FAM8A1: variants seen among roughly 807,000 people sequenced by gnomAD.
FAM8A1 encodes protein FAM8A1.
A neutral mutation model predicts 38.3 loss-of-function variants in FAM8A1; 18 were observed. The ratio of observed to expected loss-of-function variants is 0.47; its 90% confidence interval spans 0.33 to 0.70. The LOEUF (loss-of-function observed/expected upper bound fraction) is 0.70, where lower values mean the gene tolerates loss of function less well. FAM8A1 is among the 30% of genes least tolerant of loss of function. FAM8A1 has a pLI of 0.03. For synonymous variants in FAM8A1, 246 were observed against 234.4 expected, an observed-to-expected ratio of 1.05 and a Z score of -0.45; for missense variants, 559 against 559.6, an observed-to-expected ratio of 1.00 and a Z score of 0.01.
Position 17,604,892 on chromosome 6 carries a change from AT to A in FAM8A1, c.834-12del. 1 of 1,559,206 alleles carries A rather than the reference AT, an allele frequency of 6.4e-7. No homozygotes were observed. The highest frequency in any genetic ancestry group is 1.2e-5 in the South Asian group (1 of 84,592). ...AACTAATTATTTATAACCCCAAACTATTATTTTGTGTAGGGATATCTCTAAG... is the reference window on the plus strand; with the variant it reads ...AACTAATTATTTATAACCCCAAACTATATTTTGTGTAGGGATATCTCTAAG... On this transcript the variant is annotated splice_polypyrimidine_tract_variant and intron_variant, in intron 2 of 4. Transcript: ENST00000259963.
rs1357281996 is a variant in FAM8A1 at position 17,608,465 on chromosome 6, C to A, written c.*126C>A. On this transcript the variant is annotated 3_prime_UTR_variant, in exon 5 of 5. Coordinates refer to ENST00000259963, the MANE Select transcript of FAM8A1 (RefSeq NM_016255.3). ...AGTCACTCCAGTGTGATGCAGGTGACTACTCTGAAAGTATTGATTATACTT... is the reference window on the plus strand; with the variant it reads ...AGTCACTCCAGTGTGATGCAGGTGAATACTCTGAAAGTATTGATTATACTT... The A allele has an allele frequency of 6.7e-6, 7 of 1,052,292 alleles. No homozygotes were observed. The Admixed American group carries it at 1.6e-4, about 24-fold the overall frequency. 65.2% of individuals were successfully genotyped at this position (1,052,292 alleles called of 1,614,324 possible). A position where few individuals can be genotyped will look rare whatever the true frequency, so the allele number is the denominator to read the frequency against.
rs1764121370 is a variant in FAM8A1, at chr6:17,610,307, C to G, written c.*1968C>G. 1 of 152,022 alleles carries G rather than the reference C, an allele frequency of 6.6e-6. No individual in the cohort carries two copies. Among genetic ancestry groups the G allele is most frequent in the Non-Finnish European group, 1.5e-5 (1 of 67,984 alleles). 9.4% of individuals were successfully genotyped at this position (152,022 alleles called of 1,614,324 possible). On this transcript the variant is annotated 3_prime_UTR_variant, in exon 5 of 5. Coordinates refer to ENST00000259963, the MANE Select transcript of FAM8A1 (RefSeq NM_016255.3). ...TTTCATTTATACTATAAAACAAAAGCAAACTAGTCCAGTTTAATTTTTTGT... is the reference window on the plus strand; with the variant it reads ...TTTCATTTATACTATAAAACAAAAGGAAACTAGTCCAGTTTAATTTTTTGT...
At position 17,608,946 on chromosome 6, in the gene FAM8A1, G is replaced by GTAAC. The variant is rs1428230771; in HGVS notation, c.*609_*612dup. The stretch of plus-strand genomic sequence containing the variant: ...TACTGCAGTTCCCTCTCGTAATGAT[G>GTAAC]TAACTTTACAACTATTCTTAATGCT... On this transcript the variant is annotated 3_prime_UTR_variant, in exon 5 of 5. Coordinates refer to ENST00000259963, the MANE Select transcript of FAM8A1 (RefSeq NM_016255.3). The GTAAC allele has an allele frequency of 6.6e-6, 1 of 152,102 alleles. No individual in the cohort carries two copies. Among genetic ancestry groups the GTAAC allele is most frequent in the Non-Finnish European group, 1.5e-5 (1 of 68,014 alleles). 9.4% of individuals were successfully genotyped at this position (152,102 alleles called of 1,614,324 possible).
chr6:17,601,172 C>T, intron 1 of FAM8A1, 51 bp downstream of exon 1: 2 of 1,541,504 alleles, frequency 1.3e-6, no homozygotes, highest in East Asian at 4.8e-5. Context: ...TTTCGGGGGC[C>T]TGTGGGGTAG....
intron 4 of FAM8A1, among the ~76,000 whole-genome samples, chr6:17,607,166 G>GT (rs1764063244): frequency 6.6e-6 from 1 of 150,846 alleles, no homozygotes; most frequent in Non-Finnish European, 1.5e-5. Flanking sequence ...GGCTGAGGCA[G>GT]GAGAATGGCA....
chr6:17,606,026 C>A lies in FAM8A1; in HGVS notation c.1097+13C>A. 6.7e-7 allele frequency: 1 copy of A among 1,493,648 alleles called. No homozygotes were observed. Among genetic ancestry groups the A allele is most frequent in the Non-Finnish European group, 9.0e-7 (1 of 1,108,354 alleles). The allele number at this position is 1,493,648 out of a possible 1,614,324, so 92.5% of individuals were successfully genotyped here. ...TTAGCATTACAACGTAAGTCCTTTTCTTAGCTTAATCTACTACATACTTAA... is the reference window on the plus strand; with the variant it reads ...TTAGCATTACAACGTAAGTCCTTTTATTAGCTTAATCTACTACATACTTAA... On this transcript the variant is annotated intron_variant, in intron 4 of 4. Transcript: ENST00000259963.
Position 17,605,056 on chromosome 6 carries a change from A to C in FAM8A1, c.957+27A>C, listed in dbSNP as rs1217670816. ...TAAGCTACTGACTTCAGCAAGAATTAATATTTAACAATCTAATTTTATGTT... is the reference window on the plus strand; with the variant it reads ...TAAGCTACTGACTTCAGCAAGAATTCATATTTAACAATCTAATTTTATGTT... On this transcript the variant is annotated intron_variant, in intron 3 of 4. Coordinates refer to ENST00000259963, the MANE Select transcript of FAM8A1 (RefSeq NM_016255.3). The C allele has an allele frequency of 2.5e-6, 4 of 1,572,768 alleles. No homozygotes were observed. In the Admixed American group the frequency reaches 7.2e-5, roughly 28 times the overall value.
Position 17,600,401 on chromosome 6 carries a change from G to A in FAM8A1, c.-9G>A. The A allele has an allele frequency of 2.8e-6, 4 of 1,410,050 alleles. No individual in the cohort carries two copies. The highest frequency in any genetic ancestry group is 3.7e-6 in the Non-Finnish European group (4 of 1,081,592). 87.3% of individuals were successfully genotyped at this position (1,410,050 alleles called of 1,614,324 possible). On this transcript the variant is annotated 5_prime_UTR_variant, in exon 1 of 5. Coordinates refer to ENST00000259963, the MANE Select transcript of FAM8A1 (RefSeq NM_016255.3). Reference sequence around the variant, plus strand: ...GACAGGTATCCCAGAGGGTGCTGCTGAGGCGACGATGGCCGAGGGGCCCGA... The same window carrying A: ...GACAGGTATCCCAGAGGGTGCTGCTAAGGCGACGATGGCCGAGGGGCCCGA...
In FAM8A1 at chr6:17,600,907, C is replaced by T; in HGVS notation, c.498C>T (p.Pro166=). 1 of 1,589,212 alleles carries T rather than the reference C, an allele frequency of 6.3e-7. No individual in the cohort carries two copies. Among genetic ancestry groups the T allele is most frequent in the Non-Finnish European group, 8.5e-7 (1 of 1,171,288 alleles). Reference sequence around the variant, plus strand: ...TCCCCCAGGCCGCGGCGCCGCCGCCCCCGCAGCTGGGCTATTACAACCCCT... The same window carrying T: ...TCCCCCAGGCCGCGGCGCCGCCGCCTCCGCAGCTGGGCTATTACAACCCCT... ...AAVPQAAAPP[P]PQLGYYNPFY... Residue 166 remains proline, a synonymous_variant, in exon 1 of 5, where the codon CCC becomes CCT. Transcript: ENST00000259963.
Position 17,610,946 on chromosome 6 carries a change from T to G in FAM8A1, c.*2607T>G, listed in dbSNP as rs1415074732. 6.6e-6 allele frequency: 1 copy of G among 152,142 alleles called. No individual in the cohort carries two copies. Among genetic ancestry groups the G allele is most frequent in the Non-Finnish European group, 1.5e-5 (1 of 67,994 alleles). The allele number at this position is 152,142 out of a possible 1,614,324, so 9.4% of individuals were successfully genotyped here. A position where few individuals can be genotyped will look rare whatever the true frequency, so the allele number is the denominator to read the frequency against. On this transcript the variant is annotated 3_prime_UTR_variant, in exon 5 of 5. Transcript: ENST00000259963. ...ATCTGGCATACTGAATAAATAACAT[T>G]AACTTGGGAGCCAAGAGCTGGGTAA...
Position 17,608,230 on chromosome 6 carries a change from T to C in FAM8A1, c.1133T>C (p.Ile378Thr). The C allele has an allele frequency of 6.2e-7, 1 of 1,613,916 alleles. No individual in the cohort carries two copies. Among genetic ancestry groups the C allele is most frequent in the Non-Finnish European group, 8.5e-7 (1 of 1,179,818 alleles). The change falls in exon 5 of 5, where the codon ATT becomes ACT. Residue 378 changes from isoleucine to threonine, a missense_variant. Ile to Thr is a moderately conservative substitution (Grantham distance 89, BLOSUM62 -1). Around this residue, in one of 2 missense-constraint regions of FAM8A1, gnomAD observed 166 missense variants for 220.8 expected, o/e 0.75. Coordinates refer to ENST00000259963, the MANE Select transcript of FAM8A1 (RefSeq NM_016255.3). ...CGAGCTTTGATCAAGAATTTTTCAATTGCTTCTTTTTTCCCTGCTTTCATC... is the reference window on the plus strand; with the variant it reads ...CGAGCTTTGATCAAGAATTTTTCAACTGCTTCTTTTTTCCCTGCTTTCATC... ...TIRALIKNFS[I>T]ASFFPAFITL...
rs1437170165 is a variant in FAM8A1 at position 17,602,482 on chromosome 6, A to T, written c.713-108A>T. The T allele has an allele frequency of 1.1e-5, 9 of 800,320 alleles. No individual in the cohort carries two copies. Among genetic ancestry groups the T allele is most frequent in the Admixed American group, 3.9e-5 (1 of 25,900 alleles). The allele number at this position is 800,320 out of a possible 1,614,324, so 49.6% of individuals were successfully genotyped here. A position where few individuals can be genotyped will look rare whatever the true frequency, so the allele number is the denominator to read the frequency against. ...TGCTGCACGGTTATAAATATTTTTTATTAAGTTGTACCTTGACTTTCTTTA... is the reference window on the plus strand; with the variant it reads ...TGCTGCACGGTTATAAATATTTTTTTTTAAGTTGTACCTTGACTTTCTTTA... On this transcript the variant is annotated intron_variant, in intron 1 of 4. Transcript: ENST00000259963.
In FAM8A1 at chr6:17,605,963, T is replaced by TG; in HGVS notation, c.1048dup (p.Ala350GlyfsTer14). 3 of 1,586,426 alleles carry TG rather than the reference T, an allele frequency of 1.9e-6. No individual in the cohort carries two copies. The highest frequency in any genetic ancestry group is 2.6e-6 in the Non-Finnish European group (3 of 1,160,772). ...TGACATGTGATACATCAGTGCTTAT[T>TG]GCACCAAGTCGGGTTTTAGTGATTC... On this transcript the variant is annotated frameshift_variant, in exon 4 of 5. Coordinates refer to ENST00000259963, the MANE Select transcript of FAM8A1 (RefSeq NM_016255.3). LOFTEE classifies it high-confidence loss of function.
At position 17,611,679 on chromosome 6, in the gene FAM8A1, T is replaced by C. The variant is rs1056980344; in HGVS notation, c.*3340T>C. ...TTTTTAATAATTTGTATGCCACCAA[T>C]TTGTATTATTTGTCTCAATAAATAC... On this transcript the variant is annotated 3_prime_UTR_variant, in exon 5 of 5. Coordinates refer to ENST00000259963, the MANE Select transcript of FAM8A1 (RefSeq NM_016255.3). 6.6e-6 allele frequency: 1 copy of C among 152,204 alleles called. No homozygotes were observed. The highest frequency in any genetic ancestry group is 2.4e-5 in the African/African-American group (1 of 41,444). The allele number at this position is 152,204 out of a possible 1,614,324, so 9.4% of individuals were successfully genotyped here. A position where few individuals can be genotyped will look rare whatever the true frequency, so the allele number is the denominator to read the frequency against.
In FAM8A1 at chr6:17,600,592, C is replaced by T; in HGVS notation, c.183C>T (p.Ala61=). The T allele has an allele frequency of 1.3e-6, 2 of 1,490,154 alleles. No individual in the cohort carries two copies. Among genetic ancestry groups the T allele is most frequent in the Non-Finnish European group, 1.8e-6 (2 of 1,125,148 alleles). 92.3% of individuals were successfully genotyped at this position (1,490,154 alleles called of 1,614,324 possible). ...GRPTAPGLAA[A]AAADKLEPPR... is the part of the protein sequence containing the mutation. ...CCACAGCCCCGGGCCTCGCGGCTGCCGCCGCAGCCGACAAATTGGAGCCGC... is the reference window on the plus strand; with the variant it reads ...CCACAGCCCCGGGCCTCGCGGCTGCTGCCGCAGCCGACAAATTGGAGCCGC... Residue 61 remains alanine (A), a synonymous_variant, in exon 1 of 5, where the codon GCC becomes GCT. Transcript: ENST00000259963.
rs1408175834 is a variant in FAM8A1, at chr6:17,602,714, A to G, written c.833+4A>G. ...TTATGCACCTCAGTGGGATAAAGTA[A>G]GTTGAGGACATTTGCAGAAGGGTTT... On this transcript the variant is annotated splice_donor_region_variant and intron_variant, in intron 2 of 4. Coordinates refer to ENST00000259963, the MANE Select transcript of FAM8A1 (RefSeq NM_016255.3). 2.6e-6 allele frequency: 4 copies of G among 1,532,744 alleles called. No individual in the cohort carries two copies. In the Admixed American group the frequency reaches 8.1e-5, roughly 31 times the overall value. The allele number at this position is 1,532,744 out of a possible 1,614,324, so 94.9% of individuals were successfully genotyped here.
At position 17,600,344 on chromosome 6, in the gene FAM8A1, G is replaced by C. The variant is rs1413671330; in HGVS notation, c.-66G>C. On this transcript the variant is annotated 5_prime_UTR_variant, in exon 1 of 5. Transcript: ENST00000259963. ...CTGCGGTGGTGACGGGGCTGTTGGG[G>C]AGGGGCCATTGGGGGAGGGAAACGG... The C allele has an allele frequency of 2.3e-6, 3 of 1,327,238 alleles. No individual in the cohort carries two copies. The Admixed American group carries it at 1.2e-4, about 55-fold the overall frequency. 82.2% of individuals were successfully genotyped at this position (1,327,238 alleles called of 1,614,324 possible).
Position 17,601,092 on chromosome 6 carries a change from G to A in FAM8A1, c.683G>A (p.Arg228Gln), listed in dbSNP as rs1357945736. Residue 228 changes from arginine to glutamine, a missense_variant, in exon 1 of 5, where the codon CGA becomes CAA. By Grantham distance (43) the Arg-to-Gln change is conservative. Coordinates refer to ENST00000259963, the MANE Select transcript of FAM8A1 (RefSeq NM_016255.3). ...VTRVGSAAPSRSPSETGRQAG... is the reference protein window; with the variant it reads ...VTRVGSAAPSQSPSETGRQAG... Reference sequence around the variant, plus strand: ...AGGGTAGGATCCGCAGCCCCTTCGCGAAGCCCGAGCGAGACCGGGCGACAG... The same window carrying A: ...AGGGTAGGATCCGCAGCCCCTTCGCAAAGCCCGAGCGAGACCGGGCGACAG... 1 of 1,597,918 alleles carries A rather than the reference G, an allele frequency of 6.3e-7. No individual in the cohort carries two copies. Among genetic ancestry groups the A allele is most frequent in the Non-Finnish European group, 8.5e-7 (1 of 1,174,870 alleles).
At chr6:17,604,396 G>C (rs894017944) in intron 2 of FAM8A1, among the ~76,000 whole-genome samples, 1 of 152,130 alleles carries the variant, frequency 6.6e-6, no homozygotes, top group African/African-American at 2.4e-5. Flanking sequence ...ACTGCTTACA[G>C]CTTCTATCAT....
Sources: allele counts gnomAD v4.1 joint callset (sites outside exome capture counted in the v4.1 genomes callset), GRCh38; gene constraint gnomAD v4.1.1; regional missense constraint gnomAD v4.1.1; transcripts MANE v1.5; gene names NCBI Gene and HGNC (gene_info 2026-07-23, HGNC 2026-07-21).